USP36: variants seen among roughly 807,000 people sequenced by gnomAD.
USP36 encodes ubiquitin carboxyl-terminal hydrolase 36.
USP36 carries 59 observed loss-of-function variants against 111.5 expected under a neutral mutation model. That is an observed-to-expected ratio of 0.53 (90% CI 0.43 to 0.66). USP36 has a LOEUF of 0.66. Among genes scored for constraint, USP36 ranks in the 30% least tolerant of loss-of-function variants. The probability of loss-of-function intolerance (pLI) is 0.00; values close to 1 mark genes in which losing one functional copy is unlikely to be tolerated. For synonymous variants in USP36, 628 were observed against 581.0 expected, an observed-to-expected ratio of 1.08 and a Z score of -1.16; for missense variants, 1,488 against 1,468.0, an observed-to-expected ratio of 1.01 and a Z score of -0.22.
intron 8 of USP36, among the ~76,000 whole-genome samples, chr17:78,820,498 T>A (rs944475089): frequency 6.6e-6 from 1 of 152,008 alleles, no homozygotes; most frequent in African/African-American, 2.4e-5. Flanking sequence ...AGCAAAGAAA[T>A]GACAGCTGCA....
chr17:78,806,081 ACTC>A, intron 15 of USP36, 72 bp downstream of exon 15: 1 of 1,603,632 alleles, frequency 6.2e-7, no homozygotes, highest in Non-Finnish European at 8.5e-7. Flanking sequence ...GATTCGTCCA[ACTC>A]CTCACCAGCC....
intron 13 of USP36, among the ~76,000 whole-genome samples, chr17:78,809,256 T>C (rs557292179): frequency 1.9e-3 from 293 of 152,366 alleles, no homozygotes; most frequent in Non-Finnish European, 3.1e-3. Context: ...ATCCTTCAAC[T>C]TTAAGCATAC....
At chr17:78,812,795 GTGTGAGGAGGTC>G in intron 13 of USP36, 53 bp downstream of exon 13, 4 of 1,581,280 alleles carry the variant, frequency 2.5e-6, no homozygotes, top group Non-Finnish European at 3.5e-6. Context: ...AACTTCCCAA[GTGTGAGGAGGTC>G]TGTGAGGAGC....
At chr17:78,790,781 G>A (rs1467703934), downstream of USP36, among the ~76,000 whole-genome samples, 2 of 152,164 alleles carry the variant, frequency 1.3e-5, no homozygotes, top group Non-Finnish European at 2.9e-5. Flanking sequence ...TATTTGCCAT[G>A]TACTTAGACT....
At chr17:78,821,826 C>T in intron 7 of USP36, 111 bp downstream of exon 7, 1 of 1,243,576 alleles carries the variant, frequency 8.0e-7, no homozygotes, top group Non-Finnish European at 1.2e-6. Context: ...AGAGACTGAC[C>T]CAGGTCTGCA....
intron 15 of USP36, among the ~76,000 whole-genome samples, chr17:78,805,194 C>T (rs1015910548): frequency 2.0e-5 from 3 of 152,100 alleles, no homozygotes; most frequent in African/African-American, 7.2e-5. Context: ...ACAGGACCCC[C>T]GTCATCATCT....
At position 78,826,873 on chromosome 17, in the gene USP36, C is replaced by CA. The variant is rs1050277287; in HGVS notation, c.689+371dup. 3 of 573,726 alleles carry CA rather than the reference C, an allele frequency of 5.2e-6. No homozygotes were observed. In the East Asian group the frequency reaches 8.6e-5, roughly 16 times the overall value. The allele number at this position is 573,726 out of a possible 1,614,324, so 35.5% of individuals were successfully genotyped here. On this transcript the variant is annotated intron_variant, in intron 6 of 20. Transcript: ENST00000449938. Reference sequence around the variant, plus strand: ...CATTCCTACCACCCCAACCTCTTTTCAAAAACGACATGATTTTTAAGAGAC... The same window carrying CA: ...CATTCCTACCACCCCAACCTCTTTTCAAAAAACGACATGATTTTTAAGAGAC...
rs191950213 is a variant in USP36, at chr17:78,808,792, G to A, written c.1408-1156C>T. Among the ~76,000 whole-genome samples, 459 of 152,102 alleles carry A rather than the reference G, an allele frequency of 3.0e-3. 3 individuals are homozygous for A. Among genetic ancestry groups the A allele is most frequent in the African/African-American group, 9.8e-3 (406 of 41,478 alleles). On this transcript the variant is annotated intron_variant, in intron 13 of 20. Transcript: ENST00000449938. ...CCTGCTTGACCAAGAGGCTGTACCCGTTATCTCTCTCGTTCCCACTGCAGC... is the reference window on the plus strand; with the variant it reads ...CCTGCTTGACCAAGAGGCTGTACCCATTATCTCTCTCGTTCCCACTGCAGC...
At chr17:78,818,620 C>G (rs370800443) in intron 10 of USP36, 47 bp downstream of exon 10, 1 of 1,546,718 alleles carries the variant, frequency 6.5e-7, no homozygotes, top group Non-Finnish European at 8.9e-7. Context: ...ATTCTGATGC[C>G]GACTGTGGCC....
At chr17:78,817,167 T>C (rs1389247997) in intron 10 of USP36, among the ~76,000 whole-genome samples, 2 of 152,240 alleles carry the variant, frequency 1.3e-5, no homozygotes, top group Admixed American at 6.5e-5. Context: ...TGTAGGTTTG[T>C]GGCCTAGGAG....
chr17:78,808,660 A>G (rs1423257651), intron 13 of USP36, among the ~76,000 whole-genome samples: 1 of 152,210 alleles, frequency 6.6e-6, no homozygotes, highest in Non-Finnish European at 1.5e-5. Context: ...GAAATTAAAA[A>G]TACTGTACAG....
intron 13 of USP36, among the ~76,000 whole-genome samples, chr17:78,809,685 G>A (rs1021828398): frequency 3.9e-5 from 6 of 152,016 alleles, no homozygotes; most frequent in South Asian, 2.1e-4. Flanking sequence ...AGGCTGGAGC[G>A]CAGTGGCACA....
intron 11 of USP36, 22 bp downstream of exon 11, chr17:78,814,390 T>C (rs1367578705): frequency 6.2e-7 from 1 of 1,613,386 alleles, no homozygotes; most frequent in Non-Finnish European, 8.5e-7. Context: ...AGGAGGCAGC[T>C]GCACTGACAC....
At chr17:78,838,358 C>G (rs1372045504) in intron 2 of USP36, among the ~76,000 whole-genome samples, 1 of 107,428 alleles carries the variant, frequency 9.3e-6, no homozygotes. Context: ...GGCAACAGAG[C>G]AAGACTTGGT....
intron 3 of USP36, among the ~76,000 whole-genome samples, chr17:78,789,332 T>C (rs866222145): frequency 8.5e-5 from 13 of 152,160 alleles, no homozygotes; most frequent in African/African-American, 2.6e-4. Flanking sequence ...GCAGCTTTTC[T>C]AGAAGCCAGC....
At chr17:78,818,095 G>A (rs12103730) in intron 10 of USP36, among the ~76,000 whole-genome samples, 8,834 of 152,062 alleles carry the variant, frequency 0.058, 823 homozygotes, top group African/African-American at 0.2. Context: ...AAAACAAAAT[G>A]AAATTTAAAC....
At chr17:78,828,174 A>G (rs2067748807) in intron 5 of USP36, among the ~76,000 whole-genome samples, 1 of 152,210 alleles carries the variant, frequency 6.6e-6, no homozygotes, top group African/African-American at 2.4e-5. Flanking sequence ...TGATTGCACC[A>G]CTGTCCTCCA....
chr17:78,815,926 A>G (rs916139458), intron 10 of USP36, among the ~76,000 whole-genome samples: 7 of 149,700 alleles, frequency 4.7e-5, no homozygotes, highest in African/African-American at 1.8e-4. Context: ...ACGCACACAT[A>G]CACACACATA....
At chr17:78,802,687 T>C (rs2093784982) in intron 16 of USP36, 152 bp from the exon 17 acceptor site, 4 of 745,152 alleles carry the variant, frequency 5.4e-6, no homozygotes, top group South Asian at 3.7e-5. Flanking sequence ...CCACACGCAT[T>C]AGCGGACGCT....
Sources: allele counts gnomAD v4.1 joint callset (sites outside exome capture counted in the v4.1 genomes callset), GRCh38; gene constraint gnomAD v4.1.1; transcripts MANE v1.5; gene names NCBI Gene and HGNC (gene_info 2026-07-23, HGNC 2026-07-21).